DCC: variants seen among roughly 807,000 people sequenced by gnomAD.
DCC encodes the protein DCC netrin 1 receptor.
Under a neutral mutation model 172.5 loss-of-function variants are expected in DCC, and 58 were observed. The ratio of observed to expected loss-of-function variants is 0.34; its 90% CI spans 0.27 to 0.42. The LOEUF is 0.42. DCC is among the 10% of genes least tolerant of loss of function. The pLI is 1.00. For missense variants in DCC, 1,740 were observed against 1,791.0 expected (o/e 0.97, Z 0.51); for synonymous variants, 709 against 644.5 (o/e 1.10, Z -1.52).
chr18:52,973,815 C>A (rs1018057091), intron 5 of DCC, among the ~76,000 whole-genome samples: 1 of 152,062 alleles, frequency 6.6e-6, no homozygotes, highest in African/African-American at 2.4e-5. Flanking sequence ...TTTTCTTAAC[C>A]AACACATTTT....
chr18:53,375,616 C>CCTTTTT (rs1555660825), intron 15 of DCC, among the ~76,000 whole-genome samples: 2 of 123,082 alleles, frequency 1.6e-5, no homozygotes, highest in Non-Finnish European at 1.6e-5. Context: ...ATATTTAATT[C>CCTTTTT]TTTTTTTTTT....
At chr18:52,791,284 T>C (rs2037762734) in intron 2 of DCC, among the ~76,000 whole-genome samples, 1 of 152,144 alleles carries the variant, frequency 6.6e-6, no homozygotes, top group Non-Finnish European at 1.5e-5. Flanking sequence ...CCACTTTTTC[T>C]TTAAAATCTC....
chr18:52,808,408 T>TC (rs1421961698), intron 2 of DCC, among the ~76,000 whole-genome samples: 1 of 151,828 alleles, frequency 6.6e-6, no homozygotes, highest in Admixed American at 6.6e-5. Flanking sequence ...TTGGCTTTTT[T>TC]TTTTTTTCCT....
At chr18:52,652,744 G>GTGTGTGTGTGTGTGTGTGTGTGTGTGTGT (rs372782839) in intron 1 of DCC, among the ~76,000 whole-genome samples, 1 of 151,784 alleles carries the variant, frequency 6.6e-6, no homozygotes, top group African/African-American at 2.4e-5. Context: ...GTGTGTGGGT[G>GTGTGTGTGTGTGTGTGTGTGTGTGTGTGT]GAGGAGGAGT....
At chr18:52,687,283 CT>C (rs5824954) in intron 1 of DCC, among the ~76,000 whole-genome samples, 23,666 of 126,082 alleles carry the variant, frequency 0.19, 2,515 homozygotes, top group African/African-American at 0.38. Context: ...TTTCTTTTTC[CT>C]TTTTTTTTTT....
At chr18:53,500,423 C>T (rs1368445754) in intron 27 of DCC, among the ~76,000 whole-genome samples, 2 of 152,078 alleles carry the variant, frequency 1.3e-5, no homozygotes, top group African/African-American at 4.8e-5. Flanking sequence ...GCATAGGCAG[C>T]TGAACTGGGC....
chr18:53,204,026 A>G (rs1402237573), intron 9 of DCC, among the ~76,000 whole-genome samples: 1 of 152,316 alleles, frequency 6.6e-6, no homozygotes, highest in East Asian at 1.9e-4. Context: ...CATAGTCTCT[A>G]ATGAGCCCAT....
intron 7 of DCC, among the ~76,000 whole-genome samples, chr18:53,128,858 C>CAA (rs2043605968): frequency 1.3e-5 from 1 of 75,486 alleles, no homozygotes; most frequent in Non-Finnish European, 2.6e-5. Context: ...CACACACACA[C>CAA]ACACACACAC....
chr18:52,623,954 G>C (rs934420252), intron 1 of DCC, among the ~76,000 whole-genome samples: 1 of 152,068 alleles, frequency 6.6e-6, no homozygotes, highest in Non-Finnish European at 1.5e-5. Flanking sequence ...TGACAAGAAA[G>C]CCAAACAAGG....
chr18:52,443,503 A>G (rs535814466), intron 1 of DCC, among the ~76,000 whole-genome samples: 1 of 152,222 alleles, frequency 6.6e-6, no homozygotes, highest in Non-Finnish European at 1.5e-5. Context: ...TGCTCGATAA[A>G]GACTCTCCTT....
intron 10 of DCC, among the ~76,000 whole-genome samples, chr18:53,206,304 CACAT>C (rs1192261256): frequency 2.1e-4 from 27 of 126,474 alleles, no homozygotes; most frequent in Admixed American, 8.0e-4. Flanking sequence ...TGTATTGTAA[CACAT>C]ATATACATAT....
At chr18:52,600,462 T>G (rs2033994212) in intron 1 of DCC, among the ~76,000 whole-genome samples, 1 of 152,178 alleles carries the variant, frequency 6.6e-6, no homozygotes, top group Admixed American at 6.5e-5. Context: ...TTATTTTTTT[T>G]CAAAAAGTTT....
intron 15 of DCC, among the ~76,000 whole-genome samples, chr18:53,351,319 T>TGTATATATATATATATACACA (rs2057794731): frequency 4.5e-5 from 1 of 22,246 alleles, no homozygotes; most frequent in African/African-American, 1.1e-4. Context: ...ATATATACAC[T>TGTATATATATATATATACACA]GTATATATAT....
At chr18:53,425,293 C>A (rs1470316159) in intron 21 of DCC, among the ~76,000 whole-genome samples, 1 of 151,422 alleles carries the variant, frequency 6.6e-6, no homozygotes, top group Non-Finnish European at 1.5e-5. Context: ...CTCACTCTTA[C>A]ACCCCAAGAC....
intron 7 of DCC, among the ~76,000 whole-genome samples, 168 bp downstream of exon 7, chr18:53,066,334 A>G (rs946263632): frequency 8.1e-6 from 1 of 123,408 alleles, no homozygotes; most frequent in African/African-American, 3.1e-5. Flanking sequence ...CCTCTAGAAA[A>G]TTGTGTGTGT....
chr18:52,915,906 C>T (rs947331332), intron 3 of DCC, among the ~76,000 whole-genome samples: 1 of 152,030 alleles, frequency 6.6e-6, no homozygotes, highest in East Asian at 1.9e-4. Context: ...CATTTGTTCT[C>T]AAAGTATGGT....
chr18:52,463,329 C>A (rs573678667), intron 1 of DCC, among the ~76,000 whole-genome samples: 47 of 151,996 alleles, frequency 3.1e-4, no homozygotes, highest in Non-Finnish European at 5.9e-5. Flanking sequence ...ACTGCACTGG[C>A]CACCTCTCTG....
At chr18:53,458,837 C>A (rs1029834015) in intron 23 of DCC, among the ~76,000 whole-genome samples, 7 of 152,096 alleles carry the variant, frequency 4.6e-5, no homozygotes, top group African/African-American at 1.7e-4. Flanking sequence ...TTTTTTATTT[C>A]TATTTGCCCT....
chr18:52,647,861 G>A (rs2035048478), intron 1 of DCC, among the ~76,000 whole-genome samples: 1 of 152,212 alleles, frequency 6.6e-6, no homozygotes, highest in African/African-American at 2.4e-5. Flanking sequence ...GGGGAGTAGA[G>A]TGTGTGCTGG....
Sources: gnomAD v4.1 joint callset for allele counts (sites outside exome capture counted in the v4.1 genomes callset) on GRCh38, gnomAD v4.1.1 for gene constraint, MANE v1.5 for transcripts, NCBI Gene and HGNC (gene_info 2026-07-23, HGNC 2026-07-21) for gene names.